MSH4: variants seen among roughly 807,000 people sequenced by gnomAD.
The protein encoded by MSH4 is mutS protein homolog 4.
A neutral mutation model predicts 113.7 loss-of-function variants in MSH4; 106 were observed. The ratio of observed to expected loss-of-function variants is 0.93; its 90% CI spans 0.80 to 1.10. The LOEUF is 1.10. Ranked by LOEUF, MSH4 falls within the 50% of genes least tolerant of loss-of-function variation. MSH4 has a pLI of 0.00. For missense variants in MSH4, 1,061 were observed against 1,093.7 expected, an observed-to-expected ratio of 0.97 and a Z score of 0.42; for synonymous variants, 368 against 380.2, an observed-to-expected ratio of 0.97 and a Z score of 0.37.
At chr1:75,909,616 T>C (rs1652744422) in intron 19 of MSH4, among the ~76,000 whole-genome samples, 1 of 152,028 alleles carries the variant, frequency 6.6e-6, no homozygotes, top group African/African-American at 2.4e-5. Context: ...CATTAGATAT[T>C]TGTCCTAATG....
At chr1:75,868,412 T>C (rs1651637432) in intron 9 of MSH4, among the ~76,000 whole-genome samples, 1 of 152,216 alleles carries the variant, frequency 6.6e-6, no homozygotes, top group African/African-American at 2.4e-5. Context: ...CCTGAAGTAA[T>C]TATTACTCTG....
chr1:75,881,441 A>C (rs1012088709), intron 14 of MSH4, 71 bp downstream of exon 14: 1 of 1,502,334 alleles, frequency 6.7e-7, no homozygotes, highest in Non-Finnish European at 9.1e-7. Flanking sequence ...ATTTGATATA[A>C]TAGTTATGAC....
chr1:75,853,055 C>CTTTGTTTGTTTG (rs71813389), intron 8 of MSH4, among the ~76,000 whole-genome samples: 37 of 151,330 alleles, frequency 2.4e-4, no homozygotes, highest in African/African-American at 7.5e-4. Context: ...AACTATTTTT[C>CTTTGTTTGTTTG]TTTGTTTGTT....
intron 7 of MSH4, among the ~76,000 whole-genome samples, chr1:75,842,805 G>A (rs557626135): frequency 3.9e-5 from 6 of 152,180 alleles, no homozygotes; most frequent in South Asian, 2.1e-4. Flanking sequence ...TTAGCAGACC[G>A]GGAAAGGGAG....
chr1:75,873,692 T>C (rs1311279635), intron 9 of MSH4, among the ~76,000 whole-genome samples: 1 of 152,128 alleles, frequency 6.6e-6, no homozygotes, highest in Non-Finnish European at 1.5e-5. Context: ...GTTAATTTGC[T>C]AAGGATAATG....
chr1:75,874,514 G>A (rs1169513486), intron 9 of MSH4, among the ~76,000 whole-genome samples: 2 of 152,048 alleles, frequency 1.3e-5, no homozygotes, highest in Non-Finnish European at 1.5e-5. Flanking sequence ...ATAGACAGGG[G>A]TCTCGCTATG....
chr1:75,901,217 C>T (rs1652498816), intron 19 of MSH4, among the ~76,000 whole-genome samples: 1 of 152,150 alleles, frequency 6.6e-6, no homozygotes, highest in South Asian at 2.1e-4. Flanking sequence ...CACATATTAA[C>T]TATAGTCACC....
At chr1:75,885,449 A>AG (rs1652055570) in intron 15 of MSH4, among the ~76,000 whole-genome samples, 1 of 84,998 alleles carries the variant, frequency 1.2e-5, no homozygotes, top group Non-Finnish European at 2.1e-5. Context: ...ATATACATAT[A>AG]TATATATATA....
chr1:75,850,665 C>T (rs1651166331), intron 8 of MSH4, among the ~76,000 whole-genome samples: 1 of 151,958 alleles, frequency 6.6e-6, no homozygotes, highest in African/African-American at 2.4e-5. Context: ...TCACTTTGTT[C>T]AAGTTGTGTG....
rs185914463 is a variant in MSH4 at position 75,886,535 on chromosome 1, A to G, written c.2107+2714A>G. Among the ~76,000 whole-genome samples the G allele has an allele frequency of 8.9e-3, 520 of 58,672 alleles. 4 individuals carry two copies. The highest frequency in any genetic ancestry group is 0.011 in the Non-Finnish European group (292 of 25,786). 38.5% of individuals were successfully genotyped at this position (58,672 alleles called of 152,430 possible). A position where few individuals can be genotyped will look rare whatever the true frequency, so the allele number is the denominator to read the frequency against. Reference sequence around the variant, plus strand: ...ATAATATATATGATGTATTATATATATTATTATCTATTATATACGATGTAT... The same window carrying G: ...ATAATATATATGATGTATTATATATGTTATTATCTATTATATACGATGTAT... On this transcript the variant is annotated intron_variant, in intron 15 of 19. Transcript: ENST00000263187.
chr1:75,862,267 C>T (rs777290664), intron 8 of MSH4, among the ~76,000 whole-genome samples: 8 of 152,324 alleles, frequency 5.3e-5, no homozygotes, highest in East Asian at 1.9e-4. Flanking sequence ...TGCCCTGTTT[C>T]GGCTCACCCT....
chr1:75,797,327 G>A, intron 1 of MSH4, 98 bp downstream of exon 1: 1 of 1,456,634 alleles, frequency 6.9e-7, no homozygotes, highest in Non-Finnish European at 9.1e-7. Flanking sequence ...CAGTGAAGTT[G>A]TGATTTGGTT....
rs989775090 is a variant in MSH4, at chr1:75,807,097, C to G, written c.544C>G (p.Gln182Glu). The G allele has an allele frequency of 4.4e-6, 7 of 1,580,340 alleles. No homozygotes were observed. The highest frequency in any genetic ancestry group is 5.1e-6 in the Non-Finnish European group (6 of 1,170,408). ...GMASIDLKNP[Q>E]IILSQFADNT... ...GGCAAGTATTGATTTAAAAAACCCC[C>G]AAATTATACTATCCCAGTTTGCAGA... Residue 182 changes from glutamine to glutamate, a missense_variant, in exon 3 of 20, where the codon CAA becomes GAA. Transcript: ENST00000263187.
At chr1:75,870,966 A>G (rs1382319286) in intron 9 of MSH4, among the ~76,000 whole-genome samples, 1 of 152,234 alleles carries the variant, frequency 6.6e-6, no homozygotes, top group Non-Finnish European at 1.5e-5. Flanking sequence ...GGAAAAATTT[A>G]TAACAAATGA....
At chr1:75,905,177 T>C (rs12078893) in intron 19 of MSH4, among the ~76,000 whole-genome samples, 19,588 of 151,442 alleles carry the variant, frequency 0.13, 1,467 homozygotes, top group East Asian at 0.26. Flanking sequence ...TACTTTTTTG[T>C]TGTAGGTGTT....
chr1:75,893,776 A>T (rs1463769528), intron 17 of MSH4, among the ~76,000 whole-genome samples: 1 of 152,214 alleles, frequency 6.6e-6, no homozygotes. Context: ...GTGTGGGATA[A>T]GGGTGGAAGG....
chr1:75,911,078 C>T (rs1652777026), intron 19 of MSH4, among the ~76,000 whole-genome samples: 1 of 151,820 alleles, frequency 6.6e-6, no homozygotes, highest in African/African-American at 2.4e-5. Flanking sequence ...GAATTACCTG[C>T]ATTAGAATTG....
At chr1:75,838,993 A>G (rs926804387) in intron 7 of MSH4, among the ~76,000 whole-genome samples, 3 of 152,092 alleles carry the variant, frequency 2.0e-5, no homozygotes, top group Admixed American at 1.3e-4. Context: ...AGGCTAGGAC[A>G]TAACAGTTTA....
intron 9 of MSH4, among the ~76,000 whole-genome samples, chr1:75,872,181 A>G (rs1273068490): frequency 6.6e-6 from 1 of 152,210 alleles, no homozygotes; most frequent in Non-Finnish European, 1.5e-5. Flanking sequence ...AGATTCTTCT[A>G]TGCAAACATT....
Sources: allele counts gnomAD v4.1 joint callset (sites outside exome capture counted in the v4.1 genomes callset), GRCh38; gene constraint gnomAD v4.1.1; transcripts MANE v1.5; gene names NCBI Gene and HGNC (gene_info 2026-07-23, HGNC 2026-07-21).